The following PPP3CA variants were observed in gnomAD, a reference collection of about 807,000 sequenced individuals.
PPP3CA encodes protein phosphatase 3 catalytic subunit alpha.
Under a neutral mutation model 66.5 loss-of-function variants are expected in PPP3CA, and 14 were observed. The observed-to-expected ratio is 0.21, with a 90% confidence interval of 0.14 to 0.33. PPP3CA has a LOEUF of 0.33. Among genes scored for constraint, PPP3CA ranks in the 10% least tolerant of loss-of-function variants. PPP3CA has a pLI of 1.00. For synonymous variants in PPP3CA, 232 were observed against 226.2 expected, an observed-to-expected ratio of 1.03 and a Z score of -0.23; for missense variants, 317 against 639.5, an observed-to-expected ratio of 0.50 and a Z score of 5.44.
At chr4:101,313,891 A>G (rs1206626736) in intron 1 of PPP3CA, among the ~76,000 whole-genome samples, 1 of 152,214 alleles carries the variant, frequency 6.6e-6, no homozygotes, top group Non-Finnish European at 1.5e-5. Flanking sequence ...ATTAAATGTT[A>G]ACCCCAGCTG....
At chr4:101,143,614 C>T (rs1365071668) in intron 2 of PPP3CA, among the ~76,000 whole-genome samples, 1 of 152,150 alleles carries the variant, frequency 6.6e-6, no homozygotes, top group Non-Finnish European at 1.5e-5. Context: ...CTTGAGTCCA[C>T]CTCTCCTCAG....
At chr4:101,326,137 A>G (rs1200458836) in intron 1 of PPP3CA, among the ~76,000 whole-genome samples, 1 of 152,186 alleles carries the variant, frequency 6.6e-6, no homozygotes, top group African/African-American at 2.4e-5. Context: ...CTCTGTCTCC[A>G]AAAAAGGAAG....
Position 101,347,048 on chromosome 4 carries a change from G to C in PPP3CA, c.-252C>G. 1.7e-6 allele frequency: 1 copy of C among 576,452 alleles called. No individual in the cohort carries two copies. Among genetic ancestry groups the C allele is most frequent in the Non-Finnish European group, 3.0e-6 (1 of 329,108 alleles). 35.7% of individuals were successfully genotyped at this position (576,452 alleles called of 1,614,324 possible). A position where few individuals can be genotyped will look rare whatever the true frequency, so the allele number is the denominator to read the frequency against. ...CCCGCCGACTCGCTCCGGGCTGCGC[G>C]TGTGTGGTGGTTATTTATTTATTTT... On this transcript the variant is annotated 5_prime_UTR_variant, in exon 1 of 14. Coordinates refer to ENST00000394854, the MANE Select transcript of PPP3CA (RefSeq NM_000944.5).
At chr4:101,324,777 T>C (rs1327919772) in intron 1 of PPP3CA, among the ~76,000 whole-genome samples, 2 of 152,110 alleles carry the variant, frequency 1.3e-5, no homozygotes, top group Non-Finnish European at 2.9e-5. Flanking sequence ...AGTTCAGTCT[T>C]GCAAAAAAGG....
chr4:101,078,129 T>C (rs999380150), intron 8 of PPP3CA, among the ~76,000 whole-genome samples: 4 of 152,140 alleles, frequency 2.6e-5, no homozygotes, highest in East Asian at 3.8e-4. Flanking sequence ...CTCAGTTTAA[T>C]AGTAAAAAAT....
At chr4:101,122,376 A>G (rs563159405) in intron 2 of PPP3CA, among the ~76,000 whole-genome samples, 11 of 152,288 alleles carry the variant, frequency 7.2e-5, no homozygotes, top group Admixed American at 3.9e-4. Flanking sequence ...TTTCCATGTA[A>G]GAGCTCTTTG....
chr4:101,236,401 T>C (rs1465751815), intron 1 of PPP3CA, among the ~76,000 whole-genome samples: 4 of 151,894 alleles, frequency 2.6e-5, no homozygotes, highest in Non-Finnish European at 5.9e-5. Flanking sequence ...CCATGTAAAC[T>C]TGAACAAAGT....
intron 1 of PPP3CA, among the ~76,000 whole-genome samples, chr4:101,333,110 T>A (rs1265361498): frequency 6.8e-6 from 1 of 146,560 alleles, no homozygotes. Flanking sequence ...TTTCTTTTTT[T>A]TTTTTTTTTT....
intron 2 of PPP3CA, among the ~76,000 whole-genome samples, chr4:101,109,406 AC>A (rs1260490937): frequency 6.6e-6 from 1 of 151,660 alleles, no homozygotes; most frequent in African/African-American, 2.4e-5. Flanking sequence ...GGATGTTTAC[AC>A]ACATTTTTTA....
chr4:101,093,404 T>C (rs1304663355), intron 6 of PPP3CA, among the ~76,000 whole-genome samples: 1 of 143,084 alleles, frequency 7.0e-6, no homozygotes, highest in South Asian at 2.4e-4. Context: ...GTATGTACAT[T>C]TGTTTTTTTT....
intron 1 of PPP3CA, among the ~76,000 whole-genome samples, chr4:101,320,744 G>A (rs907701598): frequency 6.6e-5 from 10 of 152,068 alleles, no homozygotes; most frequent in African/African-American, 2.2e-4. Flanking sequence ...AAACAGGCTG[G>A]CCTAACAAAC....
At chr4:101,035,166 G>A (rs1727184389) in intron 11 of PPP3CA, among the ~76,000 whole-genome samples, 2 of 152,154 alleles carry the variant, frequency 1.3e-5, no homozygotes, top group Admixed American at 6.5e-5. Context: ...CTACTTGGGA[G>A]GCTGAGACAT....
At chr4:101,050,451 A>G (rs1251588476) in intron 10 of PPP3CA, among the ~76,000 whole-genome samples, 1 of 152,142 alleles carries the variant, frequency 6.6e-6, no homozygotes, top group Non-Finnish European at 1.5e-5. Flanking sequence ...ACTATCATTT[A>G]CCAGCTGTGC....
chr4:101,315,830 G>A (rs969937496), intron 1 of PPP3CA, among the ~76,000 whole-genome samples: 1 of 152,054 alleles, frequency 6.6e-6, no homozygotes, highest in Non-Finnish European at 1.5e-5. Context: ...TTTCTGGTTG[G>A]GCCAGTACAG....
chr4:101,094,215 T>C (rs1176532466), intron 5 of PPP3CA, among the ~76,000 whole-genome samples: 3 of 152,148 alleles, frequency 2.0e-5, no homozygotes, highest in Non-Finnish European at 4.4e-5. Flanking sequence ...TTCTCATTTC[T>C]CCTATTCTAC....
intron 1 of PPP3CA, among the ~76,000 whole-genome samples, chr4:101,338,840 A>G (rs942696202): frequency 2.0e-5 from 3 of 152,256 alleles, no homozygotes; most frequent in Non-Finnish European, 4.4e-5. Flanking sequence ...TGCCAGATTT[A>G]TCATTTTTTA....
intron 6 of PPP3CA, 26 bp downstream of exon 6, chr4:101,093,750 C>G (rs375278563): frequency 1.3e-6 from 2 of 1,571,330 alleles, no homozygotes; most frequent in Non-Finnish European, 1.7e-6. Flanking sequence ...CAAACGTGTT[C>G]CAGAGAGCAA....
chr4:101,169,510 T>C (rs1314139717), intron 2 of PPP3CA, among the ~76,000 whole-genome samples: 1 of 152,202 alleles, frequency 6.6e-6, no homozygotes, highest in East Asian at 1.9e-4. Context: ...CTCTGACTTT[T>C]ATCCTAAAGC....
intron 2 of PPP3CA, among the ~76,000 whole-genome samples, chr4:101,175,548 C>G (rs1281536610): frequency 6.6e-6 from 1 of 152,124 alleles, no homozygotes; most frequent in Non-Finnish European, 1.5e-5. Context: ...TGTATTATAA[C>G]TCTATTAGAA....
Sources: allele counts gnomAD v4.1 joint callset (sites outside exome capture counted in the v4.1 genomes callset), GRCh38; gene constraint gnomAD v4.1.1; transcripts MANE v1.5; gene names NCBI Gene and HGNC (gene_info 2026-07-23, HGNC 2026-07-21).